Variants in SLC71A2 observed in about 807,000 individuals in gnomAD.
The protein encoded by SLC71A2 is hippocampus abundant transcript-like 1.
the SLC71A2 span, among the ~76,000 whole-genome samples, chr9:94,450,041 G>T: frequency 6.6e-6 from 1 of 152,156 alleles, no homozygotes; most frequent in African/African-American, 2.4e-5. Context: ...GTAGACTAAC[G>T]GTTGGGGGAT....
chr9:94,407,404 A>C, the SLC71A2 span, among the ~76,000 whole-genome samples: 2 of 141,546 alleles, frequency 1.4e-5, no homozygotes, highest in Admixed American at 1.4e-4. Context: ...TTTGAGATGG[A>C]GTCTTGCTCT....
At chr9:94,395,373 A>G in the SLC71A2 span, among the ~76,000 whole-genome samples, 1 of 151,860 alleles carries the variant, frequency 6.6e-6, no homozygotes, top group Non-Finnish European at 1.5e-5. Context: ...TGAATATTTC[A>G]TTTTAAATAA....
At chr9:94,401,113 C>T in the SLC71A2 span, among the ~76,000 whole-genome samples, 4 of 149,880 alleles carry the variant, frequency 2.7e-5, no homozygotes, top group Admixed American at 6.6e-5. Flanking sequence ...GACGGAGTTT[C>T]GCTCTTTCAT....
chr9:94,382,445 C>G, the SLC71A2 span, among the ~76,000 whole-genome samples: 1 of 151,912 alleles, frequency 6.6e-6, no homozygotes, highest in Non-Finnish European at 1.5e-5. Context: ...TTTGAGAATT[C>G]GTTACATATT....
the SLC71A2 span, among the ~76,000 whole-genome samples, chr9:94,443,638 C>T: frequency 1.3e-5 from 2 of 152,182 alleles, no homozygotes; most frequent in Admixed American, 6.5e-5. Flanking sequence ...AAAACACAGA[C>T]TAAGCAAGTA....
At chr9:94,402,639 CTG>C in the SLC71A2 span, among the ~76,000 whole-genome samples, 1 of 152,154 alleles carries the variant, frequency 6.6e-6, no homozygotes, top group Non-Finnish European at 1.5e-5. Context: ...TTCTTCCAAT[CTG>C]TGGCTTATCT....
the SLC71A2 span, among the ~76,000 whole-genome samples, chr9:94,427,138 A>G: frequency 6.6e-6 from 1 of 152,198 alleles, no homozygotes; most frequent in Non-Finnish European, 1.5e-5. Context: ...AATTATTTAC[A>G]TACTTTATTT....
chr9:94,439,767 T>C, the SLC71A2 span, among the ~76,000 whole-genome samples: 29 of 152,240 alleles, frequency 1.9e-4, no homozygotes, highest in Admixed American at 1.3e-3. Flanking sequence ...ATTTTTTCTT[T>C]AGATCTTATA....
the SLC71A2 span, chr9:94,446,671 C>T: frequency 4.2e-6 from 2 of 480,852 alleles, no homozygotes; most frequent in South Asian, 3.5e-5. Context: ...TTGTAACTTC[C>T]TCAGAAAGAT....
chr9:94,392,307 G>A, the SLC71A2 span, among the ~76,000 whole-genome samples: 1 of 150,240 alleles, frequency 6.7e-6, no homozygotes, highest in Non-Finnish European at 1.5e-5. Flanking sequence ...CTAGTGGTGG[G>A]CTTCCTATTT....
chr9:94,428,206 C>T, the SLC71A2 span, among the ~76,000 whole-genome samples: 1 of 150,832 alleles, frequency 6.6e-6, no homozygotes, highest in Non-Finnish European at 1.5e-5. Flanking sequence ...TTTTGTGATG[C>T]ATGTGACAAA....
At chr9:94,456,805 G>A in the SLC71A2 span, among the ~76,000 whole-genome samples, 1 of 152,176 alleles carries the variant, frequency 6.6e-6, no homozygotes, top group Admixed American at 6.5e-5. Flanking sequence ...GTTGTTGATA[G>A]ATGTTGAGTG....
chr9:94,381,985 G>C, the SLC71A2 span, among the ~76,000 whole-genome samples: 1 of 151,300 alleles, frequency 6.6e-6, no homozygotes, highest in Non-Finnish European at 1.5e-5. Context: ...TTTAATTTGT[G>C]CTTCCCTATG....
chr9:94,405,240 A>G, the SLC71A2 span, among the ~76,000 whole-genome samples: 5 of 152,212 alleles, frequency 3.3e-5, no homozygotes, highest in East Asian at 9.7e-4. Flanking sequence ...TCATGCCTGT[A>G]ATCCCAGCAC....
the SLC71A2 span, among the ~76,000 whole-genome samples, chr9:94,377,967 G>C: frequency 6.6e-6 from 1 of 152,012 alleles, no homozygotes; most frequent in Non-Finnish European, 1.5e-5. Context: ...AGCTGGGCAT[G>C]GTGGCAGGCG....
the SLC71A2 span, among the ~76,000 whole-genome samples, chr9:94,382,333 A>G: frequency 0.8 from 120,025 of 150,928 alleles, 48,247 homozygotes; most frequent in East Asian, 1. Context: ...ACTTCCCTAA[A>G]CTTATATGTC....
the SLC71A2 span, among the ~76,000 whole-genome samples, chr9:94,441,301 G>A: frequency 1.3e-5 from 2 of 152,132 alleles, no homozygotes; most frequent in Non-Finnish European, 2.9e-5. Context: ...TCTGCTTCTG[G>A]GGAGGCCTCA....
the SLC71A2 span, among the ~76,000 whole-genome samples, chr9:94,442,166 A>ACTTAGGTTATTTATCTC: frequency 3.3e-5 from 5 of 152,114 alleles, no homozygotes; most frequent in East Asian, 9.6e-4. Context: ...AATGCCAGAA[A>ACTTAGGTTATTTATCTC]CTTAGGTTAT....
At chr9:94,420,144 T>C in the SLC71A2 span, among the ~76,000 whole-genome samples, 15 of 152,306 alleles carry the variant, frequency 9.8e-5, no homozygotes, top group African/African-American at 3.6e-4. Context: ...CAGTCTCTTA[T>C]ATGTGTGTGT....
Sources: allele counts gnomAD v4.1 joint callset (sites outside exome capture counted in the v4.1 genomes callset), GRCh38; gene constraint gnomAD v4.1.1; transcripts MANE v1.5; gene names NCBI Gene and HGNC (gene_info 2026-07-23, HGNC 2026-07-21).